The following HLCS variants were observed in gnomAD, a reference collection of about 807,000 sequenced individuals.
The protein encoded by HLCS is holocarboxylase synthetase, also known as biotin--protein ligase.
A neutral mutation model predicts 75.0 loss-of-function variants in HLCS; 53 were observed. The observed-to-expected ratio is 0.71, with a 90% CI of 0.57 to 0.89. The LOEUF (loss-of-function observed/expected upper bound fraction) is 0.89, where lower values mean the gene tolerates loss of function less well. Ranked by LOEUF, HLCS falls within the 40% of genes least tolerant of loss-of-function variation. The pLI, the probability that HLCS is intolerant of heterozygous loss-of-function variation, is 0.00. For missense variants in HLCS, 966 were observed against 1,074.0 expected (o/e 0.90, Z 1.41); for synonymous variants, 431 against 428.6 (o/e 1.01, Z -0.07).
chr21:36,834,411 A>G (rs2062331203), intron 6 of HLCS, among the ~76,000 whole-genome samples: 1 of 152,220 alleles, frequency 6.6e-6, no homozygotes, highest in Non-Finnish European at 1.5e-5. Flanking sequence ...TGGGCCAAGC[A>G]TTGAAAGTAG....
chr21:36,964,706 G>A (rs2068476015), intron 1 of HLCS, among the ~76,000 whole-genome samples: 2 of 152,202 alleles, frequency 1.3e-5, no homozygotes, highest in South Asian at 4.1e-4. Flanking sequence ...GGCAAGGGCT[G>A]AAAATCACTA....
rs140114538 is a variant in HLCS, at chr21:36,909,461, G to A, written c.1621-12330C>T. On this transcript the variant is annotated intron_variant, in intron 5 of 10. Coordinates refer to ENST00000674895, the MANE Select transcript of HLCS (RefSeq NM_001352514.2). ...ACACCAATATCTCCACTTCTAAAGA[G>A]AGTGAATGCTTGAATCTGTATCTAG... Among the ~76,000 whole-genome samples, 523 of 152,312 alleles carry A rather than the reference G, an allele frequency of 3.4e-3. 8 individuals are homozygous for A. The highest frequency in any genetic ancestry group is 0.012 in the African/African-American group (496 of 41,568).
intron 5 of HLCS, among the ~76,000 whole-genome samples, chr21:36,928,687 A>G (rs1373869298): frequency 6.6e-6 from 1 of 152,242 alleles, no homozygotes; most frequent in Non-Finnish European, 1.5e-5. Context: ...CTGAGAGGAA[A>G]GTAGTCCACA....
In HLCS at chr21:36,842,615, C is replaced by A. The variant is rs139567332; in HGVS notation, c.1892+54245G>T. Among the ~76,000 whole-genome samples, 2 of 152,022 alleles carry A rather than the reference C, an allele frequency of 1.3e-5. No homozygotes were observed. The highest frequency in any genetic ancestry group is 4.8e-5 in the African/African-American group (2 of 41,378). ...GAAGTTGGCTGGGTGTGGTGACGCA[C>A]GCCTGTAATGCCAGCTACTTGGGAG... On this transcript the variant is annotated intron_variant, in intron 6 of 10. Coordinates refer to ENST00000674895, the MANE Select transcript of HLCS (RefSeq NM_001352514.2). The surrounding 1 kb of genome is among the most constrained non-coding windows in gnomAD (Gnocchi z 4.2).
At chr21:36,764,170 G>A (rs1431154054) in intron 8 of HLCS, among the ~76,000 whole-genome samples, 4 of 152,180 alleles carry the variant, frequency 2.6e-5, no homozygotes, top group East Asian at 1.9e-4. Flanking sequence ...AGGCTGAGGC[G>A]GGCGGATCAC....
chr21:36,866,576 C>T (rs139829523), intron 6 of HLCS, among the ~76,000 whole-genome samples: 5 of 152,290 alleles, frequency 3.3e-5, no homozygotes, highest in African/African-American at 7.2e-5. Context: ...TTCATTTACA[C>T]GACTATTTTC....
At chr21:36,836,587 T>TGGGAGAAAATTTTCGC (rs1385680677) in intron 6 of HLCS, among the ~76,000 whole-genome samples, 1 of 149,890 alleles carries the variant, frequency 6.7e-6, no homozygotes. Context: ...ACCCACAAAA[T>TGGGAGAAAATTTTCGC]GGGAGAAAAT....
chr21:36,874,837 G>A (rs377653967), intron 6 of HLCS, among the ~76,000 whole-genome samples: 20 of 152,074 alleles, frequency 1.3e-4, no homozygotes, highest in East Asian at 1.9e-4. Flanking sequence ...ACCCAGCCAC[G>A]GCTCTGGACC....
At chr21:36,846,203 C>A (rs1189902216) in intron 6 of HLCS, among the ~76,000 whole-genome samples, 4 of 152,048 alleles carry the variant, frequency 2.6e-5, no homozygotes, top group African/African-American at 9.7e-5. Flanking sequence ...TAAATGTTGG[C>A]TTTGTAAAGT....
chr21:36,927,803 G>A lies in HLCS; in HGVS notation c.1620+2448C>T, dbSNP rs188299113. ...ATGCGAGGCAGCCTAGCTCAGCAGC[G>A]ACACCCTGTGGTGAGAGATCTTTGA... On this transcript the variant is annotated intron_variant, in intron 5 of 10. Coordinates refer to ENST00000674895, the MANE Select transcript of HLCS (RefSeq NM_001352514.2). 7.9e-5 allele frequency among the ~76,000 whole-genome samples: 12 copies of A among 152,300 alleles called. No homozygotes were observed. In the East Asian group the frequency reaches 1.9e-3, roughly 24 times the overall value.
chr21:36,773,309 C>T (rs1179490070), intron 6 of HLCS, among the ~76,000 whole-genome samples: 1 of 152,232 alleles, frequency 6.6e-6, no homozygotes, highest in African/African-American at 2.4e-5. Context: ...GCTGCCATAC[C>T]TGTCCCGTGG....
chr21:36,909,498 A>G (rs144411039), intron 5 of HLCS, among the ~76,000 whole-genome samples: 2 of 152,348 alleles, frequency 1.3e-5, no homozygotes, highest in East Asian at 3.9e-4. Context: ...GCAAATTCAC[A>G]GAAGTGACTA....
chr21:36,834,861 A>ACACTTC (rs2062353166), intron 6 of HLCS, among the ~76,000 whole-genome samples: 2 of 152,128 alleles, frequency 1.3e-5, no homozygotes, highest in African/African-American at 4.8e-5. Flanking sequence ...GCCCCAGCAG[A>ACACTTC]CACTTCTAAG....
At chr21:36,950,839 C>T (rs1265147215) in intron 2 of HLCS, among the ~76,000 whole-genome samples, 1 of 152,146 alleles carries the variant, frequency 6.6e-6, no homozygotes, top group Non-Finnish European at 1.5e-5. Context: ...AGCATCCCAG[C>T]AGGTCTCTGG....
chr21:36,887,349 A>T (rs1471798937), intron 6 of HLCS, among the ~76,000 whole-genome samples: 1 of 152,190 alleles, frequency 6.6e-6, no homozygotes, highest in Non-Finnish European at 1.5e-5. Flanking sequence ...TTCTAATGAA[A>T]ATGCACCTAA....
chr21:36,936,395 G>A (rs1027382964), intron 4 of HLCS, 54 bp downstream of exon 4: 49 of 1,463,590 alleles, frequency 3.3e-5, no homozygotes, highest in African/African-American at 3.3e-4. Context: ...ATATTCCCTC[G>A]CAAAAATACC....
chr21:36,921,586 T>G (rs1184637939), intron 5 of HLCS, among the ~76,000 whole-genome samples: 1 of 152,242 alleles, frequency 6.6e-6, no homozygotes, highest in Non-Finnish European at 1.5e-5. Context: ...TGGGTGAAAC[T>G]GACAATGGTC....
intron 6 of HLCS, among the ~76,000 whole-genome samples, chr21:36,772,258 T>C (rs935572246): frequency 1.3e-5 from 2 of 152,112 alleles, no homozygotes; most frequent in African/African-American, 4.8e-5. Context: ...TATATAATTA[T>C]AGACATTATA....
At chr21:36,804,527 C>T (rs146249395) in intron 6 of HLCS, among the ~76,000 whole-genome samples, 2 of 152,308 alleles carry the variant, frequency 1.3e-5, no homozygotes, top group Non-Finnish European at 2.9e-5. Context: ...AGGTAGCTGA[C>T]TAAATGCCAC....
Sources: allele counts gnomAD v4.1 joint callset (sites outside exome capture counted in the v4.1 genomes callset), GRCh38; gene constraint gnomAD v4.1.1; non-coding constraint Gnocchi (gnomAD v3.1); transcripts MANE v1.5; gene names NCBI Gene and HGNC (gene_info 2026-07-23, HGNC 2026-07-21).